PCDH15: variants seen among roughly 807,000 people sequenced by gnomAD.
PCDH15 encodes the protein protocadherin related 15.
PCDH15 carries 129 observed loss-of-function variants against 178.5 expected under a neutral mutation model. The observed-to-expected ratio is 0.72, with a 90% CI of 0.63 to 0.84. The LOEUF is 0.84. Ranked by LOEUF, PCDH15 falls within the 40% of genes least tolerant of loss-of-function variation. The pLI is 0.00. For synonymous variants in PCDH15, 800 were observed against 732.0 expected, an observed-to-expected ratio of 1.09 and a Z score of -1.50; for missense variants, 2,230 against 2,099.9, an observed-to-expected ratio of 1.06 and a Z score of -1.21.
At chr10:54,203,697 C>T (rs2050488014) in intron 10 of PCDH15, among the ~76,000 whole-genome samples, 1 of 152,168 alleles carries the variant, frequency 6.6e-6, no homozygotes, top group Non-Finnish European at 1.5e-5. Flanking sequence ...CACCACACCT[C>T]TTGCTAAACA....
chr10:55,092,569 A>G (rs1174860936), intron 2 of PCDH15, among the ~76,000 whole-genome samples: 2 of 151,916 alleles, frequency 1.3e-5, no homozygotes, highest in African/African-American at 2.4e-5. Context: ...AAAGAGTCCT[A>G]TCACATTTGA....
chr10:54,120,845 G>C (rs974601333), intron 15 of PCDH15, among the ~76,000 whole-genome samples: 1 of 152,034 alleles, frequency 6.6e-6, no homozygotes, highest in Admixed American at 6.6e-5. Context: ...AACAGTGAGG[G>C]AGATCAAGAC....
chr10:54,753,534 A>G (rs1946623199), intron 1 of PCDH15, among the ~76,000 whole-genome samples: 1 of 152,098 alleles, frequency 6.6e-6, no homozygotes, highest in African/African-American at 2.4e-5. Context: ...CTTAAATTAC[A>G]TTCTCACCCC....
At chr10:53,846,232 A>AT (rs1197071796) in intron 28 of PCDH15, among the ~76,000 whole-genome samples, 1 of 151,886 alleles carries the variant, frequency 6.6e-6, no homozygotes, top group Non-Finnish European at 1.5e-5. Context: ...AGTGAAAAAT[A>AT]TGTTAATAAA....
intron 13 of PCDH15, among the ~76,000 whole-genome samples, chr10:54,182,674 G>A (rs2048105431): frequency 6.6e-6 from 1 of 152,030 alleles, no homozygotes; most frequent in African/African-American, 2.4e-5. Flanking sequence ...CTGCTGTAAT[G>A]ATTATATTTT....
chr10:54,398,429 C>T lies in PCDH15; in HGVS notation c.158-19487G>A, dbSNP rs1259811406. Among the ~76,000 whole-genome samples the T allele has an allele frequency of 2.9e-4, 44 of 151,852 alleles. 2 individuals are homozygous for T. Among genetic ancestry groups the T allele is most frequent in the Non-Finnish European group, 6.3e-4 (43 of 67,864 alleles). ...TGCTCAGAAACAATGACTAAAATTTCCATCTCTAGCAATTTTTTATATAAC... is the reference window on the plus strand; with the variant it reads ...TGCTCAGAAACAATGACTAAAATTTTCATCTCTAGCAATTTTTTATATAAC... On this transcript the variant is annotated intron_variant, in intron 3 of 37. Transcript: ENST00000644397.
intron 8 of PCDH15, among the ~76,000 whole-genome samples, chr10:54,260,352 T>C (rs1317700538): frequency 6.6e-6 from 1 of 151,708 alleles, no homozygotes; most frequent in African/African-American, 2.4e-5. Context: ...TTAACATGAG[T>C]TACCAAATTA....
intron 2 of PCDH15, among the ~76,000 whole-genome samples, chr10:54,946,656 T>C (rs976663478): frequency 2.6e-5 from 4 of 151,870 alleles, no homozygotes; most frequent in Non-Finnish European, 4.4e-5. Context: ...ATTCTTATCA[T>C]TTTTTGAAAT....
intron 1 of PCDH15, among the ~76,000 whole-genome samples, chr10:55,240,881 T>C (rs535629004): frequency 1.4e-3 from 218 of 152,190 alleles, no homozygotes; most frequent in Non-Finnish European, 2.8e-3. Flanking sequence ...AAAAAATTGA[T>C]TGTTATAATG....
chr10:55,091,275 T>A (rs1030666238), intron 2 of PCDH15, among the ~76,000 whole-genome samples: 3 of 152,124 alleles, frequency 2.0e-5, no homozygotes, highest in African/African-American at 7.2e-5. Flanking sequence ...TTGTATTGAA[T>A]ACTGAAAATT....
At chr10:55,459,345 G>GA (rs1245644034) in intron 2 of PCDH15, among the ~76,000 whole-genome samples, 1 of 151,684 alleles carries the variant, frequency 6.6e-6, no homozygotes, top group African/African-American at 2.4e-5. Flanking sequence ...TTAGCTAAAT[G>GA]AACCAGAAAA....
intron 2 of PCDH15, among the ~76,000 whole-genome samples, chr10:55,612,786 T>A (rs1409558079): frequency 6.6e-6 from 1 of 152,198 alleles, no homozygotes; most frequent in Non-Finnish European, 1.5e-5. Context: ...TCTACTAATC[T>A]ATGTCTTAGC....
chr10:54,453,721 A>G (rs1002092831), intron 3 of PCDH15, among the ~76,000 whole-genome samples: 10 of 152,086 alleles, frequency 6.6e-5, no homozygotes, highest in African/African-American at 2.4e-4. Context: ...CACAAAGAAG[A>G]AGGTCATGCA....
At chr10:55,208,119 A>G (rs1342994823) in intron 1 of PCDH15, among the ~76,000 whole-genome samples, 5 of 152,172 alleles carry the variant, frequency 3.3e-5, no homozygotes, top group African/African-American at 9.7e-5. Context: ...ATGTAAAAAC[A>G]TATTGATTAT....
intron 8 of PCDH15, among the ~76,000 whole-genome samples, chr10:54,307,028 A>ATATGTG (rs1367457752): frequency 0.013 from 397 of 30,712 alleles, 31 homozygotes; most frequent in African/African-American, 0.021. Context: ...ATATATATAT[A>ATATGTG]TGTGTGTGTG....
intron 2 of PCDH15, among the ~76,000 whole-genome samples, chr10:54,970,457 C>T (rs1564675675): frequency 6.6e-6 from 1 of 152,044 alleles, no homozygotes; most frequent in Non-Finnish European, 1.5e-5. Flanking sequence ...GATTAAGTGG[C>T]TGTGATTAGA....
intron 21 of PCDH15, among the ~76,000 whole-genome samples, chr10:53,986,465 T>G (rs2091110394): frequency 6.6e-6 from 1 of 152,212 alleles, no homozygotes; most frequent in Non-Finnish European, 1.5e-5. Context: ...GTAGTTCCAC[T>G]TTTGGGAATT....
At chr10:55,276,524 A>AT (rs1842601333) in intron 1 of PCDH15, among the ~76,000 whole-genome samples, 2 of 151,360 alleles carry the variant, frequency 1.3e-5, no homozygotes, top group African/African-American at 4.8e-5. Context: ...ACTTTAAACA[A>AT]TTTTTTTACA....
chr10:54,389,137 C>G (rs1244737894), intron 3 of PCDH15, among the ~76,000 whole-genome samples: 1 of 42,662 alleles, frequency 2.3e-5, no homozygotes, highest in African/African-American at 6.2e-5. Flanking sequence ...CATCCCTAAT[C>G]TACAGAGGAA....
Sources: allele counts gnomAD v4.1 joint callset (sites outside exome capture counted in the v4.1 genomes callset), GRCh38; gene constraint gnomAD v4.1.1; transcripts MANE v1.5; gene names NCBI Gene and HGNC (gene_info 2026-07-23, HGNC 2026-07-21).